IRAG1: variants seen among roughly 807,000 people sequenced by gnomAD.
IRAG1 encodes IP3R-associated cGMP kinase substrate.
IRAG1 carries 62 observed loss-of-function variants against 106.2 expected under a neutral mutation model. That is an observed-to-expected ratio of 0.58 (90% CI 0.48 to 0.72). IRAG1 has a LOEUF of 0.72. Ranked by LOEUF, IRAG1 falls within the 30% of genes least tolerant of loss-of-function variation. The pLI is 0.00. For synonymous variants in IRAG1, 462 were observed against 443.9 expected, an observed-to-expected ratio of 1.04 and a Z score of -0.51; for missense variants, 1,064 against 1,140.7, an observed-to-expected ratio of 0.93 and a Z score of 0.97.
intron 10 of IRAG1, chr11:10,616,964 A>G: frequency 1.1e-6 from 1 of 929,908 alleles, no homozygotes; most frequent in Non-Finnish European, 1.3e-6. Context: ...TTACTTTTGG[A>G]GCTCTGAAAG....
rs1262983862 is a variant in IRAG1, at chr11:10,623,631, C to T, written c.1447+147G>A. ...GGCAGGTTTGGAGGTGCTGAGCGGGCAGAAGACACAATCGGATTCATTCAT... is the reference window on the plus strand; with the variant it reads ...GGCAGGTTTGGAGGTGCTGAGCGGGTAGAAGACACAATCGGATTCATTCAT... On this transcript the variant is annotated intron_variant, in intron 10 of 20. Coordinates refer to ENST00000423302, the MANE Select transcript of IRAG1 (RefSeq NM_130385.4). The T allele has an allele frequency of 6.5e-6, 5 of 764,964 alleles. No individual in the cohort carries two copies. In the African/African-American group the frequency reaches 8.6e-5, roughly 13 times the overall value. 47.4% of individuals were successfully genotyped at this position (764,964 alleles called of 1,614,324 possible). A position where few individuals can be genotyped will look rare whatever the true frequency, so the allele number is the denominator to read the frequency against.
chr11:10,651,418 C>A (rs779647666), intron 2 of IRAG1, among the ~76,000 whole-genome samples: 1 of 152,260 alleles, frequency 6.6e-6, no homozygotes, highest in South Asian at 2.1e-4. Context: ...AATAAATATA[C>A]CCACACCAAA....
chr11:10,684,602 T>TATAACAATAATAATA (rs377603657), intron 1 of IRAG1, among the ~76,000 whole-genome samples: 6 of 138,946 alleles, frequency 4.3e-5, no homozygotes, highest in South Asian at 2.3e-4. Flanking sequence ...AAACTTAAAG[T>TATAACAATAATAATA]ATAATAATAA....
At chr11:10,629,979 G>A (rs1170795050) in intron 4 of IRAG1, 1 of 409,944 alleles carries the variant, frequency 2.4e-6, no homozygotes, top group Non-Finnish European at 4.4e-6. Flanking sequence ...ACTCTGTCAG[G>A]AAGGGAAGGC....
chr11:10,639,141 A>T (rs964151671), intron 2 of IRAG1, among the ~76,000 whole-genome samples: 7 of 152,186 alleles, frequency 4.6e-5, no homozygotes, highest in Admixed American at 2.0e-4. Flanking sequence ...GCTGGTCTCC[A>T]ACTCCTGGCC....
At chr11:10,627,800 A>G in intron 7 of IRAG1, 40 bp from the exon 8 acceptor site, 1 of 1,613,406 alleles carries the variant, frequency 6.2e-7, no homozygotes, top group Non-Finnish European at 8.5e-7. Context: ...AGCAATGGGA[A>G]GAGACCGTGT....
intron 18 of IRAG1, among the ~76,000 whole-genome samples, chr11:10,591,317 C>CTCTAAGAT (rs1852643291): frequency 6.6e-6 from 1 of 152,178 alleles, no homozygotes; most frequent in Non-Finnish European, 1.5e-5. Context: ...CCAGCCTTCT[C>CTCTAAGAT]TGGGCTCTCT....
intron 12 of IRAG1, among the ~76,000 whole-genome samples, chr11:10,604,875 C>T (rs1171319182): frequency 6.6e-6 from 1 of 152,202 alleles, no homozygotes; most frequent in Non-Finnish European, 1.5e-5. Flanking sequence ...CAGGCCAGTA[C>T]AGCTAATTGT....
chr11:10,677,845 G>A (rs1470840528), intron 1 of IRAG1, among the ~76,000 whole-genome samples: 2 of 152,158 alleles, frequency 1.3e-5, no homozygotes, highest in African/African-American at 2.4e-5. Flanking sequence ...GGCTTTAACC[G>A]GTTCTGGATA....
intron 1 of IRAG1, among the ~76,000 whole-genome samples, chr11:10,666,350 C>T (rs905043433): frequency 6.6e-6 from 1 of 152,234 alleles, no homozygotes; most frequent in African/African-American, 2.4e-5. Context: ...TCAGACATCA[C>T]AATTACTAAG....
intron 15 of IRAG1, among the ~76,000 whole-genome samples, chr11:10,596,061 T>C (rs547856305): frequency 3.3e-4 from 50 of 152,350 alleles, no homozygotes; most frequent in African/African-American, 1.2e-3. Flanking sequence ...TATTCCATGG[T>C]GTATATGTAC....
intron 1 of IRAG1, among the ~76,000 whole-genome samples, chr11:10,677,924 T>C (rs1282200677): frequency 6.6e-6 from 1 of 152,254 alleles, no homozygotes; most frequent in Admixed American, 6.5e-5. Context: ...ATAATGTTTT[T>C]GAGGTTTATC....
intron 1 of IRAG1, among the ~76,000 whole-genome samples, chr11:10,667,462 AG>A (rs1859875221): frequency 6.6e-6 from 1 of 152,170 alleles, no homozygotes; most frequent in South Asian, 2.1e-4. Flanking sequence ...GACAGGAGGG[AG>A]GGAGCCGCTA....
intron 1 of IRAG1, among the ~76,000 whole-genome samples, chr11:10,686,138 T>TTAATCTGGGCTTCAATAA (rs1463877385): frequency 6.6e-6 from 1 of 152,210 alleles, no homozygotes; most frequent in Non-Finnish European, 1.5e-5. Flanking sequence ...GTGCTCAATA[T>TTAATCTGGGCTTCAATAA]TAATCTGGGC....
At chr11:10,668,554 G>A (rs538128227) in intron 1 of IRAG1, among the ~76,000 whole-genome samples, 9 of 152,304 alleles carry the variant, frequency 5.9e-5, no homozygotes, top group Admixed American at 3.9e-4. Context: ...TTCATGCTAT[G>A]AGGGCAATTG....
intron 1 of IRAG1, among the ~76,000 whole-genome samples, chr11:10,674,314 G>A (rs1259361022): frequency 2.0e-5 from 3 of 152,206 alleles, no homozygotes; most frequent in Non-Finnish European, 4.4e-5. Flanking sequence ...TTTTTGTAGG[G>A]AGCGCCATTC....
At chr11:10,594,570 G>C (rs547147042) in intron 15 of IRAG1, among the ~76,000 whole-genome samples, 4 of 152,296 alleles carry the variant, frequency 2.6e-5, no homozygotes, top group Admixed American at 2.6e-4. Flanking sequence ...TACAGTCAGA[G>C]AAACTATGAG....
At chr11:10,662,603 G>T (rs1404648094) in intron 1 of IRAG1, among the ~76,000 whole-genome samples, 2 of 152,182 alleles carry the variant, frequency 1.3e-5, no homozygotes, top group African/African-American at 4.8e-5. Flanking sequence ...CTCTGGCTCC[G>T]CTTGGAATGC....
chr11:10,591,803 C>G (rs535757283), intron 17 of IRAG1, among the ~76,000 whole-genome samples, 191 bp from the exon 18 acceptor site: 34 of 152,280 alleles, frequency 2.2e-4, no homozygotes, highest in African/African-American at 7.9e-4. Flanking sequence ...CTCCTTTCCT[C>G]TAGGGCACAT....
Sources: allele counts gnomAD v4.1 joint callset (sites outside exome capture counted in the v4.1 genomes callset), GRCh38; gene constraint gnomAD v4.1.1; transcripts MANE v1.5; gene names NCBI Gene and HGNC (gene_info 2026-07-23, HGNC 2026-07-21).